The following RAI14 variants were observed in gnomAD, a reference collection of about 807,000 sequenced individuals.
RAI14 encodes ankycorbin.
A neutral mutation model predicts 115.4 loss-of-function variants in RAI14; 45 were observed. The ratio of observed to expected loss-of-function variants is 0.39; its 90% CI spans 0.31 to 0.50. RAI14 has a LOEUF of 0.50. Among genes scored for constraint, RAI14 ranks in the 20% least tolerant of loss-of-function variants. The pLI is 0.85. For missense variants in RAI14, 939 were observed against 1,131.2 expected, an observed-to-expected ratio of 0.83 and a Z score of 2.44; for synonymous variants, 371 against 415.4, an observed-to-expected ratio of 0.89 and a Z score of 1.30.
At chr5:34,715,278 A>G (rs1741856120) in intron 2 of RAI14, among the ~76,000 whole-genome samples, 1 of 152,148 alleles carries the variant, frequency 6.6e-6, no homozygotes, top group Admixed American at 6.5e-5. Flanking sequence ...TCCTGAAACT[A>G]TCATGGCACT....
chr5:34,786,136 G>A (rs528945943), intron 3 of RAI14, among the ~76,000 whole-genome samples: 38 of 152,350 alleles, frequency 2.5e-4, no homozygotes, highest in East Asian at 1.2e-3. Context: ...GGTTTGGAAC[G>A]GGGCCCGGGA....
At chr5:34,674,586 G>GGT (rs1554038522) in intron 1 of RAI14, among the ~76,000 whole-genome samples, 2 of 132,542 alleles carry the variant, frequency 1.5e-5, no homozygotes, top group African/African-American at 5.6e-5. Flanking sequence ...CGGATCTTTT[G>GGT]TTTTTTTTTT....
chr5:34,817,788 A>G (rs1756427250), intron 12 of RAI14, among the ~76,000 whole-genome samples: 1 of 152,236 alleles, frequency 6.6e-6, no homozygotes, highest in South Asian at 2.1e-4. Context: ...GAAATGTGAA[A>G]AAAAGAGTTG....
At chr5:34,807,665 A>T in intron 5 of RAI14, 135 bp from the exon 6 acceptor site, 2 of 711,446 alleles carry the variant, frequency 2.8e-6, no homozygotes, top group East Asian at 5.3e-5. Flanking sequence ...AGGCCCCTGG[A>T]ACACAGCAGC....
intron 1 of RAI14, among the ~76,000 whole-genome samples, chr5:34,676,778 C>T (rs928909551): frequency 9.2e-5 from 14 of 152,026 alleles, no homozygotes; most frequent in African/African-American, 3.1e-4. Flanking sequence ...TGAATGGTCT[C>T]AAAAGAGTTT....
At chr5:34,687,713 G>A in intron 2 of RAI14, 1 of 1,551,552 alleles carries the variant, frequency 6.4e-7, no homozygotes, top group East Asian at 2.4e-5. Context: ...GGAATTAGAT[G>A]GAAGCCAAGG....
intron 3 of RAI14, among the ~76,000 whole-genome samples, chr5:34,772,554 A>G (rs1332156672): frequency 1.3e-5 from 2 of 152,160 alleles, no homozygotes; most frequent in African/African-American, 4.8e-5. Context: ...GTTTCCATAG[A>G]GTACCTGCTA....
chr5:34,679,219 A>G (rs1056620907), intron 1 of RAI14, among the ~76,000 whole-genome samples: 7 of 152,232 alleles, frequency 4.6e-5, no homozygotes, highest in African/African-American at 1.4e-4. Flanking sequence ...GGATGTGAGT[A>G]AGAGCCCTGT....
chr5:34,825,821 T>C (rs1241187948), intron 15 of RAI14, among the ~76,000 whole-genome samples: 2 of 152,066 alleles, frequency 1.3e-5, no homozygotes, highest in African/African-American at 4.8e-5. Flanking sequence ...TCAAAAGAGC[T>C]TTATCATCCA....
Position 34,831,809 on chromosome 5 carries a change from C to CATATTGGTGAGTTCTAGAGCTGCCA in RAI14, c.*1044_*1045insATATTGGTGAGTTCTAGAGCTGCCA. The CATATTGGTGAGTTCTAGAGCTGCCA allele has an allele frequency of 6.6e-6, 1 of 152,246 alleles. No homozygotes were observed. The highest frequency in any genetic ancestry group is 2.1e-4 in the South Asian group (1 of 4,818). The allele number at this position is 152,246 out of a possible 1,614,324, so 9.4% of individuals were successfully genotyped here. A position where few individuals can be genotyped will look rare whatever the true frequency, so the allele number is the denominator to read the frequency against. ...GACCTAATATGAGCTGCCACCAACA[C>CATATTGGTGAGTTCTAGAGCTGCCA]CCCTAGAACTTTCAGCCATGGTGTC... On this transcript the variant is annotated 3_prime_UTR_variant, in exon 18 of 18. Coordinates refer to ENST00000265109, the MANE Select transcript of RAI14 (RefSeq NM_015577.3).
chr5:34,685,109 C>T (rs997615134), intron 1 of RAI14: 2 of 151,788 alleles, frequency 1.3e-5, no homozygotes, highest in African/African-American at 4.8e-5. Flanking sequence ...TTGCTGGGCA[C>T]AGTGGCTCAT....
At position 34,792,076 on chromosome 5, in the gene RAI14, T is replaced by A. The variant is rs181574602; in HGVS notation, c.168-3863T>A. On this transcript the variant is annotated intron_variant, in intron 3 of 17. Transcript: ENST00000265109. ...TCCTCAAGAGCAGACTCACAGACTG[T>A]GTTTCCTGGCTTTACTTCCATTTCC... is the stretch of plus-strand genomic sequence containing the variant. Among the ~76,000 whole-genome samples the A allele has an allele frequency of 2.0e-4, 30 of 152,280 alleles. No homozygotes were observed. The East Asian group carries it at 5.0e-3, about 25-fold the overall frequency.
intron 3 of RAI14, among the ~76,000 whole-genome samples, chr5:34,762,973 G>GTA (rs1748878304): frequency 1.6e-5 from 2 of 122,342 alleles, no homozygotes; most frequent in Non-Finnish European, 3.2e-5. Flanking sequence ...GTGTGTGTGT[G>GTA]TGTATGTGTC....
intron 3 of RAI14, among the ~76,000 whole-genome samples, chr5:34,787,857 G>T: frequency 8.7e-6 from 1 of 114,562 alleles, no homozygotes; most frequent in African/African-American, 3.2e-5. Flanking sequence ...TGCCTTTAAT[G>T]GTTTATTACA....
At chr5:34,699,916 C>T (rs1739831412) in intron 2 of RAI14, among the ~76,000 whole-genome samples, 1 of 152,118 alleles carries the variant, frequency 6.6e-6, no homozygotes, top group Non-Finnish European at 1.5e-5. Flanking sequence ...TTGACCAAAA[C>T]ATGCTTCAGT....
At chr5:34,783,732 C>G (rs1316449710) in intron 3 of RAI14, among the ~76,000 whole-genome samples, 1 of 152,196 alleles carries the variant, frequency 6.6e-6, no homozygotes, top group Non-Finnish European at 1.5e-5. Context: ...ATTCTTTCCA[C>G]TATGGCTTGT....
At chr5:34,660,778 C>CTTT (rs559034141) in intron 1 of RAI14, among the ~76,000 whole-genome samples, 31 of 145,378 alleles carry the variant, frequency 2.1e-4, no homozygotes, top group African/African-American at 3.3e-4. Flanking sequence ...TGGGCACATT[C>CTTT]TTTTTTTTTT....
At chr5:34,807,345 T>C (rs1755036689) in intron 5 of RAI14, among the ~76,000 whole-genome samples, 1 of 152,124 alleles carries the variant, frequency 6.6e-6, no homozygotes, top group South Asian at 2.1e-4. Flanking sequence ...TTTGGTGACC[T>C]TGACCAAGGC....
intron 3 of RAI14, among the ~76,000 whole-genome samples, chr5:34,783,889 A>G (rs939037335): frequency 5.3e-5 from 8 of 152,214 alleles, no homozygotes; most frequent in Non-Finnish European, 1.2e-4. Context: ...GCAAAAGGTG[A>G]CGTTTAACAC....
Sources: gnomAD v4.1 joint callset for allele counts (sites outside exome capture counted in the v4.1 genomes callset) on GRCh38, gnomAD v4.1.1 for gene constraint, MANE v1.5 for transcripts, NCBI Gene and HGNC (gene_info 2026-07-23, HGNC 2026-07-21) for gene names.